The following MAPKAP1 variants were observed in gnomAD, a reference collection of about 807,000 sequenced individuals.
The protein encoded by MAPKAP1 is MAPK associated protein 1, also known as target of rapamycin complex 2 subunit MAPKAP1.
In MAPKAP1, 20 loss-of-function variants were observed where a neutral mutation model predicts 65.7. That is an observed-to-expected ratio of 0.30 (90% CI 0.21 to 0.44). The LOEUF is 0.44. MAPKAP1 is among the 20% of genes least tolerant of loss of function. The pLI is 1.00. For synonymous variants in MAPKAP1, 222 were observed against 244.3 expected, an observed-to-expected ratio of 0.91 and a Z score of 0.85; for missense variants, 423 against 648.0, an observed-to-expected ratio of 0.65 and a Z score of 3.77.
At chr9:125,626,753 A>G (rs1833131105) in intron 4 of MAPKAP1, among the ~76,000 whole-genome samples, 1 of 152,210 alleles carries the variant, frequency 6.6e-6, no homozygotes, top group Non-Finnish European at 1.5e-5. Flanking sequence ...GATACATTTA[A>G]TTCCATTTTT....
intron 10 of MAPKAP1, among the ~76,000 whole-genome samples, chr9:125,445,756 G>A (rs947784640): frequency 2.0e-5 from 3 of 152,262 alleles, no homozygotes; most frequent in African/African-American, 7.2e-5. Context: ...CGGCCTATCG[G>A]CACTGTTATC....
At chr9:125,622,864 C>G (rs932194939) in intron 4 of MAPKAP1, among the ~76,000 whole-genome samples, 37 of 152,194 alleles carry the variant, frequency 2.4e-4, no homozygotes, top group Non-Finnish European at 4.6e-4. Context: ...GGAGCCGAAG[C>G]TGGACTGTAC....
chr9:125,475,577 C>T (rs1854074990), intron 9 of MAPKAP1, among the ~76,000 whole-genome samples: 1 of 152,210 alleles, frequency 6.6e-6, no homozygotes, highest in South Asian at 2.1e-4. Context: ...CAAGGAGTGG[C>T]CTGGACACGA....
At chr9:125,607,307 A>C (rs1832466494) in intron 4 of MAPKAP1, among the ~76,000 whole-genome samples, 1 of 152,248 alleles carries the variant, frequency 6.6e-6, no homozygotes, top group South Asian at 2.1e-4. Context: ...CACTCCTATC[A>C]AAGGAAGACA....
chr9:125,576,931 G>A (rs1209732065), intron 5 of MAPKAP1, among the ~76,000 whole-genome samples: 4 of 150,542 alleles, frequency 2.7e-5, no homozygotes, highest in South Asian at 2.1e-4. Context: ...AGCCTCTGCC[G>A]GGCCGCCACC....
At chr9:125,665,911 G>A (rs544671639) in intron 3 of MAPKAP1, among the ~76,000 whole-genome samples, 4 of 152,262 alleles carry the variant, frequency 2.6e-5, no homozygotes, top group African/African-American at 9.6e-5. Context: ...TGCATAAGAA[G>A]CCTTATTTGC....
At chr9:125,531,304 G>C (rs1589262523) in intron 7 of MAPKAP1, among the ~76,000 whole-genome samples, 1 of 152,222 alleles carries the variant, frequency 6.6e-6, no homozygotes, top group Non-Finnish European at 1.5e-5. Context: ...TGCGACCTCA[G>C]CAAGTCCTGC....
chr9:125,676,690 G>A (rs186025207), intron 1 of MAPKAP1, among the ~76,000 whole-genome samples: 7 of 152,292 alleles, frequency 4.6e-5, no homozygotes, highest in Admixed American at 2.0e-4. Flanking sequence ...AATGGACAGT[G>A]GTGACGGTTG....
At chr9:125,542,685 C>A (rs967227203) in intron 7 of MAPKAP1, among the ~76,000 whole-genome samples, 3 of 152,032 alleles carry the variant, frequency 2.0e-5, no homozygotes, top group Non-Finnish European at 4.4e-5. Flanking sequence ...TAAAAGTTCT[C>A]CCATGGGAAA....
At chr9:125,688,849 C>T (rs1014202742) in intron 1 of MAPKAP1, among the ~76,000 whole-genome samples, 1 of 152,180 alleles carries the variant, frequency 6.6e-6, no homozygotes, top group Non-Finnish European at 1.5e-5. Flanking sequence ...CCCAAGGCCA[C>T]GCAACTAGTA....
At chr9:125,693,654 TAC>T (rs1234719893) in intron 1 of MAPKAP1, among the ~76,000 whole-genome samples, 1 of 147,194 alleles carries the variant, frequency 6.8e-6, no homozygotes, top group African/African-American at 2.5e-5. Context: ...TATACACGTA[TAC>T]ATACACACAC....
chr9:125,634,982 T>C (rs1323452871), intron 4 of MAPKAP1, among the ~76,000 whole-genome samples: 1 of 152,166 alleles, frequency 6.6e-6, no homozygotes, highest in Non-Finnish European at 1.5e-5. Flanking sequence ...CTTTTCTCCA[T>C]CTCAATCTAC....
At chr9:125,513,611 T>C (rs1336264848) in intron 7 of MAPKAP1, among the ~76,000 whole-genome samples, 2 of 152,184 alleles carry the variant, frequency 1.3e-5, no homozygotes, top group Non-Finnish European at 2.9e-5. Context: ...AGAAGGTTGC[T>C]GTGAGGATTA....
rs1298097860 is a variant in MAPKAP1, at chr9:125,443,971, CAG to C, written c.1443+528_1443+529del. On this transcript the variant is annotated intron_variant, in intron 11 of 11. Transcript: ENST00000265960. ...AGGAAAAGCTCTCCAGGGGCAGGGA[CAG>C]AGTCTGTCACCGTGGCATCCCAGGC... Among the ~76,000 whole-genome samples the C allele has an allele frequency of 4.6e-5, 7 of 152,252 alleles. No individual in the cohort carries two copies. The East Asian group carries it at 1.3e-3, about 29-fold the overall frequency.
At chr9:125,686,045 A>C (rs1427314001) in intron 1 of MAPKAP1, among the ~76,000 whole-genome samples, 1 of 152,200 alleles carries the variant, frequency 6.6e-6, no homozygotes, top group Non-Finnish European at 1.5e-5. Flanking sequence ...CGGCCAGTGC[A>C]GTGGCTCATG....
chr9:125,660,764 T>C (rs1247373522), intron 3 of MAPKAP1, among the ~76,000 whole-genome samples: 1 of 152,200 alleles, frequency 6.6e-6, no homozygotes, highest in Non-Finnish European at 1.5e-5. Context: ...TGGCAACCGC[T>C]AGCAACGCTG....
chr9:125,698,629 A>ACC (rs1229780609), intron 1 of MAPKAP1, among the ~76,000 whole-genome samples: 4 of 151,954 alleles, frequency 2.6e-5, no homozygotes, highest in Non-Finnish European at 5.9e-5. Flanking sequence ...GGCATGAGCC[A>ACC]CCGCACCCGG....
chr9:125,466,365 C>G (rs1853679523), intron 10 of MAPKAP1, among the ~76,000 whole-genome samples: 1 of 152,126 alleles, frequency 6.6e-6, no homozygotes, highest in African/African-American at 2.4e-5. Flanking sequence ...GGGACTTAGG[C>G]AGTGTTTTAC....
chr9:125,691,058 G>A (rs1221815362), intron 1 of MAPKAP1, among the ~76,000 whole-genome samples: 1 of 152,158 alleles, frequency 6.6e-6, no homozygotes, highest in African/African-American at 2.4e-5. Context: ...TCAGGAGAAT[G>A]AGACCATCCT....
Sources: allele counts gnomAD v4.1 joint callset (sites outside exome capture counted in the v4.1 genomes callset), GRCh38; gene constraint gnomAD v4.1.1; transcripts MANE v1.5; gene names NCBI Gene and HGNC (gene_info 2026-07-23, HGNC 2026-07-21).